Variants in AFF3 observed in about 807,000 individuals in gnomAD.
AFF3 encodes the protein AF4/FMR2 family member 3.
Under a neutral mutation model 129.7 loss-of-function variants are expected in AFF3, and 32 were observed. The observed-to-expected ratio is 0.25, with a 90% CI of 0.19 to 0.33. The LOEUF is 0.33. AFF3 is among the 10% of genes least tolerant of loss of function. AFF3 has a pLI of 1.00. For missense variants in AFF3, 1,373 were observed against 1,592.0 expected (o/e 0.86, Z 2.34); for synonymous variants, 644 against 635.4 (o/e 1.01, Z -0.20).
chr2:99,990,406 A>G (rs1271520416), intron 7 of AFF3, among the ~76,000 whole-genome samples: 1 of 152,186 alleles, frequency 6.6e-6, no homozygotes, highest in Non-Finnish European at 1.5e-5. Flanking sequence ...TTCACTTTAA[A>G]TAGTTAAGAT....
At chr2:99,914,744 T>A (rs772199844) in intron 7 of AFF3, among the ~76,000 whole-genome samples, 24 of 150,552 alleles carry the variant, frequency 1.6e-4, no homozygotes, top group Non-Finnish European at 3.4e-4. Context: ...TGAAACCCCA[T>A]CTCTACTAAA....
intron 4 of AFF3, among the ~76,000 whole-genome samples, chr2:100,064,987 A>T (rs2309748): frequency 0.31 from 47,687 of 152,128 alleles, 7,865 homozygotes; most frequent in Middle Eastern, 0.46. Flanking sequence ...ACACAGCACT[A>T]TGCATTTACC....
chr2:99,720,730 C>G (rs907177416), intron 11 of AFF3, among the ~76,000 whole-genome samples: 1 of 152,158 alleles, frequency 6.6e-6, no homozygotes, highest in Non-Finnish European at 1.5e-5. Context: ...TTCCCGCCAT[C>G]TTTTATGTTA....
chr2:99,578,472 A>T (rs1405592512), intron 17 of AFF3, 21 bp from the exon 18 acceptor site: 2 of 1,606,464 alleles, frequency 1.2e-6, no homozygotes, highest in Non-Finnish European at 1.7e-6. Context: ...AACAACACAC[A>T]TCTTTGAGAA....
At position 99,835,917 on chromosome 2, in the gene AFF3, A is replaced by T. The variant is rs568301031; in HGVS notation, c.921+1560T>A. On this transcript the variant is annotated intron_variant, in intron 8 of 24. Transcript: ENST00000672756. ...GGAGGACTGGGGCGAGAGGGGCATG[A>T]GGCTCTCATCAGCTCTCTTTAGAAA... Among the ~76,000 whole-genome samples the T allele has an allele frequency of 3.9e-5, 6 of 152,292 alleles. No individual in the cohort carries two copies. The South Asian group carries it at 1.2e-3, about 32-fold the overall frequency.
At chr2:99,845,837 AATTT>A (rs1200800600) in intron 7 of AFF3, among the ~76,000 whole-genome samples, 1 of 152,066 alleles carries the variant, frequency 6.6e-6, no homozygotes, top group African/African-American at 2.4e-5. Context: ...TTAATTAATT[AATTT>A]CTTTATTTTG....
At chr2:99,992,803 T>C (rs148789032) in intron 7 of AFF3, among the ~76,000 whole-genome samples, 1 of 152,276 alleles carries the variant, frequency 6.6e-6, no homozygotes, top group Non-Finnish European at 1.5e-5. Context: ...ACCACTGATA[T>C]AAAATAATGA....
intron 8 of AFF3, among the ~76,000 whole-genome samples, chr2:99,819,590 C>T (rs995373825): frequency 3.9e-5 from 6 of 152,208 alleles, no homozygotes; most frequent in African/African-American, 1.2e-4. Flanking sequence ...TGTTGATTCA[C>T]TAAGATGTGC....
chr2:99,872,803 CATTAACA>C (rs1200561609), intron 7 of AFF3, among the ~76,000 whole-genome samples: 21 of 152,180 alleles, frequency 1.4e-4, no homozygotes, highest in Non-Finnish European at 3.1e-4. Context: ...AGCCCACATT[CATTAACA>C]TTACCACTGA....
rs186177940 is a variant in AFF3 at position 99,816,903 on chromosome 2, G to A, written c.921+20574C>T. Among the ~76,000 whole-genome samples, 213 of 152,218 alleles carry A rather than the reference G, an allele frequency of 1.4e-3. 1 individual carries two copies. The highest frequency in any genetic ancestry group is 2.6e-3 in the Non-Finnish European group (177 of 68,016). On this transcript the variant is annotated intron_variant, in intron 8 of 24. Transcript: ENST00000672756. The stretch of plus-strand genomic sequence containing the variant: ...CAGTGAGTTTCCACCAGGAACCTCA[G>A]GATACATTTTGGTTGCCCTTCCTCC...
chr2:99,957,194 T>C (rs945070134), intron 7 of AFF3, among the ~76,000 whole-genome samples: 26 of 151,532 alleles, frequency 1.7e-4, no homozygotes, highest in East Asian at 7.8e-4. Context: ...TGTGTGTGTG[T>C]GCGCGCGCGC....
intron 11 of AFF3, among the ~76,000 whole-genome samples, chr2:99,683,455 T>C (rs1035627124): frequency 4.6e-5 from 7 of 152,316 alleles, no homozygotes; most frequent in African/African-American, 1.7e-4. Context: ...TCTTTTTCTT[T>C]CTTTTTTTTT....
chr2:99,573,332 T>C (rs1273917510), intron 18 of AFF3, among the ~76,000 whole-genome samples: 2 of 152,128 alleles, frequency 1.3e-5, no homozygotes, highest in Non-Finnish European at 2.9e-5. Context: ...CTCCTGGCCT[T>C]GAGACAGGGA....
chr2:99,632,497 T>C (rs1351898749), intron 13 of AFF3, among the ~76,000 whole-genome samples: 1 of 152,142 alleles, frequency 6.6e-6, no homozygotes, highest in Non-Finnish European at 1.5e-5. Flanking sequence ...ACGGCAGCTA[T>C]GGTCCGTCCA....
chr2:99,784,921 G>A (rs945544396), intron 8 of AFF3, among the ~76,000 whole-genome samples: 2 of 152,134 alleles, frequency 1.3e-5, no homozygotes, highest in African/African-American at 4.8e-5. Context: ...CTTCCTCTTT[G>A]CAAATATGTC....
chr2:99,699,762 C>T (rs1358153754), intron 11 of AFF3, among the ~76,000 whole-genome samples: 1 of 152,178 alleles, frequency 6.6e-6, no homozygotes, highest in Non-Finnish European at 1.5e-5. Context: ...CGATCTCTGC[C>T]TCACTCTTTG....
At chr2:99,562,937 T>C (rs1384176545) in intron 20 of AFF3, among the ~76,000 whole-genome samples, 2 of 151,398 alleles carry the variant, frequency 1.3e-5, no homozygotes, top group African/African-American at 4.9e-5. Flanking sequence ...CTGCGGAGAG[T>C]GGAAGGGTGG....
At position 99,761,341 on chromosome 2, in the gene AFF3, A is replaced by G. The variant is rs188735709; in HGVS notation, c.922-9040T>C. ...ACGTTTTCTCTATCCTCCATATCCC[A>G]ATTTTCAGGAGGTCATGGGCACATG... On this transcript the variant is annotated intron_variant, in intron 8 of 24. Coordinates refer to ENST00000672756, the MANE Select transcript of AFF3 (RefSeq NM_001386135.1). Among the ~76,000 whole-genome samples the G allele has an allele frequency of 4.9e-4, 74 of 152,278 alleles. 1 individual carries two copies. Among genetic ancestry groups the G allele is most frequent in the Admixed American group, 4.8e-3 (73 of 15,282 alleles).
intron 11 of AFF3, among the ~76,000 whole-genome samples, chr2:99,723,367 G>A (rs1243313732): frequency 6.6e-6 from 1 of 152,204 alleles, no homozygotes; most frequent in East Asian, 1.9e-4. Context: ...AAGCTCTTCT[G>A]TTTGGAGACT....
Sources: gnomAD v4.1 joint callset for allele counts (sites outside exome capture counted in the v4.1 genomes callset) on GRCh38, gnomAD v4.1.1 for gene constraint, MANE v1.5 for transcripts, NCBI Gene and HGNC (gene_info 2026-07-23, HGNC 2026-07-21) for gene names.